The following LHFPL3 variants were observed in gnomAD, a reference collection of about 807,000 sequenced individuals.
LHFPL3 encodes the protein LHFPL tetraspan subfamily member 3 protein.
A neutral mutation model predicts 19.3 loss-of-function variants in LHFPL3; 5 were observed. That is an observed-to-expected ratio of 0.26 (90% CI 0.14 to 0.54). The LOEUF is 0.54. Ranked by LOEUF, LHFPL3 falls within the 20% of genes least tolerant of loss-of-function variation. LHFPL3 has a pLI of 0.94. For missense variants in LHFPL3, 249 were observed against 307.4 expected (o/e 0.81, Z 1.42); for synonymous variants, 133 against 126.2 (o/e 1.05, Z -0.36).
At position 104,877,115 on chromosome 7, in the gene LHFPL3, G is replaced by A. The variant is rs185279324; in HGVS notation, c.683-29072G>A. On this transcript the variant is annotated intron_variant, in intron 2 of 2. Coordinates refer to ENST00000424859, the MANE Select transcript of LHFPL3 (RefSeq NM_199000.3). Reference sequence around the variant, plus strand: ...CACAGGAAGGGGAACATCACACACCGGGGCCTGTTGTGGGGTCAGGGGAGG... The same window carrying A: ...CACAGGAAGGGGAACATCACACACCAGGGCCTGTTGTGGGGTCAGGGGAGG... Among the ~76,000 whole-genome samples the A allele has an allele frequency of 4.8e-4, 73 of 152,248 alleles. 1 individual carries two copies. The East Asian group carries it at 0.012, about 25-fold the overall frequency.
At chr7:104,434,119 G>T (rs556336475) in intron 1 of LHFPL3, among the ~76,000 whole-genome samples, 10 of 152,210 alleles carry the variant, frequency 6.6e-5, no homozygotes, top group Admixed American at 2.0e-4. Flanking sequence ...TATTTTACTA[G>T]CAGTGGATGC....
At chr7:104,851,019 A>G (rs142486509) in intron 2 of LHFPL3, among the ~76,000 whole-genome samples, 86 of 152,324 alleles carry the variant, frequency 5.6e-4, no homozygotes, top group African/African-American at 1.9e-3. Context: ...TCTAGAAGGA[A>G]TAGCACCACC....
intron 2 of LHFPL3, among the ~76,000 whole-genome samples, chr7:104,792,707 C>A (rs1790048426): frequency 6.6e-6 from 1 of 152,142 alleles, no homozygotes; most frequent in African/African-American, 2.4e-5. Flanking sequence ...ATGAGATGAT[C>A]CACAAATATG....
chr7:104,492,072 C>G (rs538214607), intron 1 of LHFPL3, among the ~76,000 whole-genome samples: 1 of 152,244 alleles, frequency 6.6e-6, no homozygotes, highest in East Asian at 1.9e-4. Context: ...ATGTTTCTTT[C>G]CTTTAGTATG....
chr7:104,740,732 G>T (rs987979081), intron 2 of LHFPL3, among the ~76,000 whole-genome samples: 1 of 152,062 alleles, frequency 6.6e-6, no homozygotes, highest in Admixed American at 6.6e-5. Flanking sequence ...AGGGGAAACC[G>T]CCCCCATGAT....
intron 2 of LHFPL3, among the ~76,000 whole-genome samples, chr7:104,741,656 C>G (rs1317825329): frequency 6.6e-6 from 1 of 151,968 alleles, no homozygotes; most frequent in African/African-American, 2.4e-5. Flanking sequence ...CTGCCTTAGC[C>G]TCTGGAGTAG....
At chr7:104,873,397 G>A (rs1791871860) in intron 2 of LHFPL3, among the ~76,000 whole-genome samples, 1 of 152,146 alleles carries the variant, frequency 6.6e-6, no homozygotes, top group Non-Finnish European at 1.5e-5. Flanking sequence ...ATAGGTGGGA[G>A]AATCACTTGA....
chr7:104,373,456 T>C (rs1276522982), intron 1 of LHFPL3, among the ~76,000 whole-genome samples: 1 of 152,208 alleles, frequency 6.6e-6, no homozygotes. Flanking sequence ...CACTGTGCTA[T>C]AACCTGCCAT....
chr7:104,895,755 G>A (rs1792345902), intron 2 of LHFPL3: 1 of 152,214 alleles, frequency 6.6e-6, no homozygotes, highest in South Asian at 2.1e-4. Context: ...CAGTTAACTT[G>A]GTATGTGACT....
intron 1 of LHFPL3, among the ~76,000 whole-genome samples, chr7:104,414,148 A>G (rs1791580371): frequency 6.6e-6 from 1 of 151,862 alleles, no homozygotes; most frequent in Non-Finnish European, 1.5e-5. Context: ...TTTGAAACCC[A>G]TTCATTGGCA....
intron 1 of LHFPL3, among the ~76,000 whole-genome samples, chr7:104,421,854 G>T (rs1400941687): frequency 6.6e-6 from 1 of 152,116 alleles, no homozygotes; most frequent in African/African-American, 2.4e-5. Context: ...TAGGAGGTGG[G>T]GCATTTGGGA....
At chr7:104,562,808 TG>T (rs1790035101) in intron 1 of LHFPL3, among the ~76,000 whole-genome samples, 1 of 151,162 alleles carries the variant, frequency 6.6e-6, no homozygotes, top group Non-Finnish European at 1.5e-5. Flanking sequence ...CCCATCTTTG[TG>T]GTTTTATCTA....
chr7:104,810,998 T>G (rs10085394), intron 2 of LHFPL3, among the ~76,000 whole-genome samples: 2 of 152,208 alleles, frequency 1.3e-5, no homozygotes, highest in African/African-American at 4.8e-5. Context: ...AGCTTCTCTC[T>G]TATCAGGTGG....
chr7:104,495,707 T>G (rs2115711072), intron 1 of LHFPL3, among the ~76,000 whole-genome samples: 1 of 152,200 alleles, frequency 6.6e-6, no homozygotes, highest in African/African-American at 2.4e-5. Context: ...TAGAGACTGG[T>G]GGCGGGGGTC....
chr7:104,367,472 CTAAGTT>C (rs1348217241), intron 1 of LHFPL3, among the ~76,000 whole-genome samples: 1 of 152,134 alleles, frequency 6.6e-6, no homozygotes, highest in Non-Finnish European at 1.5e-5. Context: ...TAAGACAGAA[CTAAGTT>C]TAACCATTAC....
Position 104,868,256 on chromosome 7 carries a change from G to C in LHFPL3, c.683-37931G>C, listed in dbSNP as rs1301445071. 3.9e-5 allele frequency among the ~76,000 whole-genome samples: 6 copies of C among 152,156 alleles called. No homozygotes were observed. The East Asian group carries it at 1.2e-3, about 29-fold the overall frequency. On this transcript the variant is annotated intron_variant, in intron 2 of 2. Coordinates refer to ENST00000424859, the MANE Select transcript of LHFPL3 (RefSeq NM_199000.3). ...CAATCAGGCAGGAGAAGGAAATAAA[G>C]GGTATTCAATTAGGAAAAGAGGAAG...
At position 104,399,724 on chromosome 7, in the gene LHFPL3, G is replaced by A. The variant is rs575199946; in HGVS notation, c.445+70500G>A. Among the ~76,000 whole-genome samples the A allele has an allele frequency of 7.4e-5, 11 of 148,240 alleles. No individual in the cohort carries two copies. Among genetic ancestry groups the A allele is most frequent in the Admixed American group, 2.1e-4 (3 of 14,620 alleles). ...CCCAACCTCGTGCTCCGCCCACCTCGGCCTCCCAAAGTGCTGGGATTACAG... is the reference window on the plus strand; with the variant it reads ...CCCAACCTCGTGCTCCGCCCACCTCAGCCTCCCAAAGTGCTGGGATTACAG... On this transcript the variant is annotated intron_variant, in intron 1 of 2. Coordinates refer to ENST00000424859, the MANE Select transcript of LHFPL3 (RefSeq NM_199000.3). This position sits in a 1 kb window ranked among gnomAD's most constrained non-coding sequence, Gnocchi z 4.4.
intron 1 of LHFPL3, among the ~76,000 whole-genome samples, chr7:104,440,185 A>C (rs897538466): frequency 4.0e-5 from 6 of 151,730 alleles, no homozygotes; most frequent in Admixed American, 6.6e-5. Context: ...AATAATAATA[A>C]AAAAATACAA....
intron 1 of LHFPL3, among the ~76,000 whole-genome samples, chr7:104,462,142 G>T (rs965628043): frequency 1.3e-5 from 2 of 152,196 alleles, no homozygotes; most frequent in African/African-American, 4.8e-5. Flanking sequence ...GAGCTTTTAA[G>T]CCAAGACTAT....
Sources: allele counts gnomAD v4.1 joint callset (sites outside exome capture counted in the v4.1 genomes callset), GRCh38; gene constraint gnomAD v4.1.1; non-coding constraint Gnocchi (gnomAD v3.1); transcripts MANE v1.5; gene names NCBI Gene and HGNC (gene_info 2026-07-23, HGNC 2026-07-21).